The following PJA2 variants were observed in gnomAD, a reference collection of about 807,000 sequenced individuals.
The protein encoded by PJA2 is praja ring finger ubiquitin ligase 2, also known as E3 ubiquitin-protein ligase Praja-2.
Under a neutral mutation model 69.3 loss-of-function variants are expected in PJA2, and 25 were observed. The observed-to-expected ratio is 0.36, with a 90% CI of 0.26 to 0.50. The LOEUF (loss-of-function observed/expected upper bound fraction) is 0.50. Among genes scored for constraint, PJA2 ranks in the 20% least tolerant of loss-of-function variants. The pLI is 0.96. For synonymous variants in PJA2, 308 were observed against 277.8 expected, an observed-to-expected ratio of 1.11 and a Z score of -1.08; for missense variants, 809 against 830.2, an observed-to-expected ratio of 0.97 and a Z score of 0.31.
In PJA2 at chr5:109,390,089, T is replaced by C. The variant is rs148832117; in HGVS notation, c.-87-6569A>G. Among the ~76,000 whole-genome samples the C allele has an allele frequency of 1.6e-4, 24 of 152,176 alleles. 1 individual carries two copies. In the East Asian group the frequency reaches 3.9e-3, roughly 24 times the overall value. On this transcript the variant is annotated intron_variant, in intron 1 of 9. Transcript: ENST00000361189. ...GTTGTTGAATATAATGTTCTATAAA[T>C]GTCAATTAGGTTAAGTTGATTAATC... is the stretch of plus-strand genomic sequence containing the variant.
chr5:109,360,587 C>T lies in PJA2; in HGVS notation c.1652+2253G>A, dbSNP rs556317681. On this transcript the variant is annotated intron_variant, in intron 6 of 9. Transcript: ENST00000361189. ...CATTTTCACCTTATCAACCTTTAGA[C>T]GCTGCCACATAAATTAATATAGTAC... Among the ~76,000 whole-genome samples the T allele has an allele frequency of 1.1e-4, 17 of 152,204 alleles. No individual in the cohort carries two copies. In the East Asian group the frequency reaches 1.2e-3, roughly 10 times the overall value.
intron 1 of PJA2, among the ~76,000 whole-genome samples, chr5:109,386,937 T>G (rs1747172851): frequency 6.6e-6 from 1 of 152,212 alleles, no homozygotes; most frequent in Non-Finnish European, 1.5e-5. Flanking sequence ...CAGGCCATGT[T>G]TAAATTTTTC....
chr5:109,390,113 T>G (rs1201418782), intron 1 of PJA2, among the ~76,000 whole-genome samples: 4 of 152,058 alleles, frequency 2.6e-5, no homozygotes, highest in Non-Finnish European at 5.9e-5. Context: ...AGTTGATTAA[T>G]CATACCATTC....
intron 9 of PJA2, among the ~76,000 whole-genome samples, chr5:109,342,629 G>A (rs1379025789): frequency 2.0e-5 from 2 of 100,992 alleles, no homozygotes; most frequent in Non-Finnish European, 4.1e-5. Flanking sequence ...TGCCCGGCCA[G>A]CCGCCCCGTC....
intron 7 of PJA2, among the ~76,000 whole-genome samples, chr5:109,346,263 T>G (rs1762170958): frequency 6.6e-6 from 1 of 152,236 alleles, no homozygotes; most frequent in South Asian, 2.1e-4. Context: ...ATGAAAAACC[T>G]GAAGGAAATT....
chr5:109,384,604 T>A lies in PJA2; in HGVS notation c.-87-1084A>T, dbSNP rs375226693. 5.3e-5 allele frequency among the ~76,000 whole-genome samples: 8 copies of A among 152,330 alleles called. No individual in the cohort carries two copies. In the East Asian group the frequency reaches 5.8e-4, roughly 11 times the overall value. ...GCTCTGCAAATGAGTTTAATTTATATGTTACCTGTCTAATCACAGACAGAT... is the reference window on the plus strand; with the variant it reads ...GCTCTGCAAATGAGTTTAATTTATAAGTTACCTGTCTAATCACAGACAGAT... On this transcript the variant is annotated intron_variant, in intron 1 of 9. Transcript: ENST00000361189.
At chr5:109,356,508 A>G (rs1762415472) in intron 6 of PJA2, among the ~76,000 whole-genome samples, 1 of 152,192 alleles carries the variant, frequency 6.6e-6, no homozygotes, top group African/African-American at 2.4e-5. Context: ...AAATCTAGGA[A>G]AAGAATCCCA....
In PJA2 at chr5:109,381,704, C is replaced by G. The variant is rs755350780; in HGVS notation, c.32-1G>C. 1.2e-6 allele frequency: 2 copies of G among 1,612,080 alleles called. No individual in the cohort carries two copies. Among genetic ancestry groups the G allele is most frequent in the Non-Finnish European group, 1.7e-6 (2 of 1,179,698 alleles). On this transcript the variant is annotated splice_acceptor_variant, in intron 2 of 9. Transcript: ENST00000361189. LOFTEE classifies it high-confidence loss of function. ...GCCTTACCAGATTCTTGGTCCATTG[C>G]TGAAAAAAAAGTTAAAAAATTAAAA...
At chr5:109,370,032 CAAAA>C (rs1168528650) in intron 4 of PJA2, among the ~76,000 whole-genome samples, 18 of 49,076 alleles carry the variant, frequency 3.7e-4, no homozygotes, top group Admixed American at 1.3e-3. Context: ...AACTCCCTCT[CAAAA>C]AAAAAAAAAA....
chr5:109,366,151 G>A (rs1047843380), intron 5 of PJA2, among the ~76,000 whole-genome samples: 5 of 151,566 alleles, frequency 3.3e-5, no homozygotes, highest in Admixed American at 6.5e-5. Context: ...CATTCTGAAT[G>A]CAAAATATAT....
At chr5:109,373,435 A>T (rs1762710004) in intron 4 of PJA2, among the ~76,000 whole-genome samples, 1 of 152,232 alleles carries the variant, frequency 6.6e-6, no homozygotes. Context: ...AATATGGAGA[A>T]GAGGAAAATA....
intron 6 of PJA2, among the ~76,000 whole-genome samples, chr5:109,358,814 C>G (rs1422826303): frequency 6.6e-6 from 1 of 152,050 alleles, no homozygotes; most frequent in Non-Finnish European, 1.5e-5. Flanking sequence ...GAATGAGACT[C>G]TGTCTCAAAA....
chr5:109,372,091 G>A (rs184986729), intron 4 of PJA2, among the ~76,000 whole-genome samples: 42 of 152,194 alleles, frequency 2.8e-4, no homozygotes, highest in Non-Finnish European at 8.8e-5. Context: ...TAGCCATTAA[G>A]TCCTGAATTT....
rs189348408 is a variant in PJA2 at position 109,367,285 on chromosome 5, T to A, written c.1469+1276A>T. On this transcript the variant is annotated intron_variant, in intron 5 of 9. Transcript: ENST00000361189. Reference sequence around the variant, plus strand: ...ATTTCTTTCTTTATAGATTTTTCTATATATTTTATTCCTAGATTTTCTTAT... The same window carrying A: ...ATTTCTTTCTTTATAGATTTTTCTAAATATTTTATTCCTAGATTTTCTTAT... 1.4e-3 allele frequency among the ~76,000 whole-genome samples: 208 copies of A among 151,420 alleles called. 7 individuals carry two copies. In the East Asian group the frequency reaches 0.034, roughly 25 times the overall value.
At chr5:109,351,462 ACT>A (rs1185772685) in intron 7 of PJA2, among the ~76,000 whole-genome samples, 1 of 152,140 alleles carries the variant, frequency 6.6e-6, no homozygotes, top group African/African-American at 2.4e-5. Flanking sequence ...CAATTTAACC[ACT>A]TTTTATATTA....
chr5:109,357,782 T>C (rs888298272), intron 6 of PJA2, among the ~76,000 whole-genome samples: 1 of 152,236 alleles, frequency 6.6e-6, no homozygotes, highest in Non-Finnish European at 1.5e-5. Context: ...TAACTTTTGC[T>C]CTGTTGCTGT....
At position 109,383,509 on chromosome 5, in the gene PJA2, C is replaced by T. The variant is rs530595754; in HGVS notation, c.-76G>A. 6.1e-5 allele frequency: 73 copies of T among 1,191,250 alleles called. No homozygotes were observed. Among genetic ancestry groups the T allele is most frequent in the South Asian group, 1.4e-4 (10 of 72,604 alleles). The allele number at this position is 1,191,250 out of a possible 1,614,324, so 73.8% of individuals were successfully genotyped here. A position where few individuals can be genotyped will look rare whatever the true frequency, so the allele number is the denominator to read the frequency against. ...GTTTTTATTCACACTATGGACAAGC[C>T]GCAGAAGATTCCTACAAAGAAACAA... On this transcript the variant is annotated 5_prime_UTR_variant, in exon 2 of 10. Transcript: ENST00000361189.
intron 1 of PJA2, 107 bp downstream of exon 1, chr5:109,409,735 A>G (rs1380994477): frequency 6.5e-6 from 1 of 154,214 alleles, no homozygotes; most frequent in Non-Finnish European, 1.4e-5. Context: ...TTCCGAAGCT[A>G]GAGACAGAGA....
intron 1 of PJA2, among the ~76,000 whole-genome samples, chr5:109,403,967 G>A (rs1582634032): frequency 6.6e-6 from 1 of 151,338 alleles, no homozygotes; most frequent in African/African-American, 2.4e-5. Context: ...GCTACTCAGG[G>A]GGCTGAGGCA....
Sources: gnomAD v4.1 joint callset for allele counts (sites outside exome capture counted in the v4.1 genomes callset) on GRCh38, gnomAD v4.1.1 for gene constraint, MANE v1.5 for transcripts, NCBI Gene and HGNC (gene_info 2026-07-23, HGNC 2026-07-21) for gene names.